Variants in TRAPPC3L observed in about 807,000 individuals in gnomAD.
The protein encoded by TRAPPC3L is trafficking protein particle complex subunit 3-like protein.
In TRAPPC3L, 23 loss-of-function variants were observed where a neutral mutation model predicts 23.7. The observed-to-expected ratio is 0.97, with a 90% CI of 0.70 to 1.37. The LOEUF is 1.37. Ranked by LOEUF, TRAPPC3L falls within the 40% of genes most tolerant of loss-of-function variation. TRAPPC3L has a pLI of 0.00. For synonymous variants in TRAPPC3L, 81 were observed against 77.9 expected, an observed-to-expected ratio of 1.04 and a Z score of -0.21; for missense variants, 212 against 216.8, an observed-to-expected ratio of 0.98 and a Z score of 0.14.
intron 3 of TRAPPC3L, among the ~76,000 whole-genome samples, chr6:116,532,932 C>T (rs1772832178): frequency 6.6e-6 from 1 of 152,192 alleles, no homozygotes; most frequent in Non-Finnish European, 1.5e-5. Flanking sequence ...ATAATGCAAA[C>T]TAATTATCTC....
chr6:116,511,498 A>G (rs1772117202), intron 3 of TRAPPC3L: 2 of 568,914 alleles, frequency 3.5e-6, no homozygotes, highest in African/African-American at 3.7e-5. Flanking sequence ...TCACAGCCCA[A>G]TTTCCACCAG....
rs914100723 is a variant in TRAPPC3L at position 116,497,017 on chromosome 6, C to G, written c.483G>C (p.Val161=). 1.9e-6 allele frequency: 3 copies of G among 1,546,630 alleles called. No homozygotes were observed. The African/African-American group carries it at 4.1e-5, about 21-fold the overall frequency. ...TTAGAAATGTTATTCCTATTTCTGT[C>G]ACACTGTCACCTTTTAGTCTGTCTT... ...FLQDRLKGDS[V]TEIGITFLKK... The change falls in exon 5 of 5, where the codon GTG becomes GTC. Residue 161 remains valine, a synonymous_variant. Coordinates refer to ENST00000368602, the MANE Select transcript of TRAPPC3L (RefSeq NM_001139444.3).
chr6:116,501,314 G>T (rs375704512), intron 3 of TRAPPC3L, among the ~76,000 whole-genome samples: 1 of 152,206 alleles, frequency 6.6e-6, no homozygotes, highest in Non-Finnish European at 1.5e-5. Context: ...CCATTGCTGA[G>T]GTTTGAGTAG....
intron 3 of TRAPPC3L, among the ~76,000 whole-genome samples, chr6:116,504,678 C>G (rs192027602): frequency 1.2e-4 from 18 of 152,188 alleles, no homozygotes; most frequent in Admixed American, 2.0e-4. Context: ...AAAAGCTTAT[C>G]CACCACCATC....
intron 3 of TRAPPC3L, among the ~76,000 whole-genome samples, chr6:116,532,217 C>T (rs1772771038): frequency 6.6e-6 from 1 of 152,166 alleles, no homozygotes. Flanking sequence ...GGAGGAGCAA[C>T]AGGGTGTAGA....
chr6:116,545,613 C>T lies in TRAPPC3L; in HGVS notation c.-99G>A. 9.2e-7 allele frequency: 1 copy of T among 1,090,768 alleles called. No homozygotes were observed. 67.6% of individuals were successfully genotyped at this position (1,090,768 alleles called of 1,614,324 possible). On this transcript the variant is annotated 5_prime_UTR_variant, in exon 1 of 5. Transcript: ENST00000368602. ...TGTCTTTTTGTTTTGTTTTTGTAAGCTCTTCCTCGCTTTGAGACAGGAGTG... is the reference window on the plus strand; with the variant it reads ...TGTCTTTTTGTTTTGTTTTTGTAAGTTCTTCCTCGCTTTGAGACAGGAGTG...
chr6:116,500,995 T>A (rs907810826), intron 3 of TRAPPC3L, among the ~76,000 whole-genome samples: 49 of 152,258 alleles, frequency 3.2e-4, no homozygotes, highest in African/African-American at 1.2e-3. Flanking sequence ...GGTTGGACAG[T>A]GGGTGTGGCC....
rs1353545036 is a variant in TRAPPC3L, at chr6:116,496,799, A to T, written c.*155T>A. 1 of 1,076,502 alleles carries T rather than the reference A, an allele frequency of 9.3e-7. No homozygotes were observed. The highest frequency in any genetic ancestry group is 1.2e-6 in the Non-Finnish European group (1 of 801,950). The allele number at this position is 1,076,502 out of a possible 1,614,324, so 66.7% of individuals were successfully genotyped here. On this transcript the variant is annotated 3_prime_UTR_variant, in exon 5 of 5. Coordinates refer to ENST00000368602, the MANE Select transcript of TRAPPC3L (RefSeq NM_001139444.3). ...GATTTATAAGCAAAAGGAAAAAAAA[A>T]CCTTTAAGCCTTCATGCCCTGCATT...
chr6:116,509,511 G>T (rs1772069777), intron 3 of TRAPPC3L, among the ~76,000 whole-genome samples: 1 of 152,064 alleles, frequency 6.6e-6, no homozygotes, highest in South Asian at 2.1e-4. Context: ...TAGACCAATG[G>T]AACAGAATAG....
At chr6:116,519,445 G>A (rs1772290403) in intron 3 of TRAPPC3L, 1 of 152,214 alleles carries the variant, frequency 6.6e-6, no homozygotes, top group Admixed American at 6.5e-5. Flanking sequence ...AGTCTCCAGT[G>A]GCCCAAGGGT....
At chr6:116,540,868 C>T (rs952086051) in intron 2 of TRAPPC3L, among the ~76,000 whole-genome samples, 3 of 152,194 alleles carry the variant, frequency 2.0e-5, no homozygotes, top group Middle Eastern at 3.4e-3. Flanking sequence ...CCCGGATGCT[C>T]GCTCTTCTCT....
At position 116,500,262 on chromosome 6, in the gene TRAPPC3L, A is replaced by G. The variant is rs190238130; in HGVS notation, c.426+219T>C. 3.6e-3 allele frequency among the ~76,000 whole-genome samples: 541 copies of G among 152,330 alleles called. 5 individuals carry two copies. Among genetic ancestry groups the G allele is most frequent in the African/African-American group, 0.012 (495 of 41,580 alleles). ...TAAGCCATGAAAGACTCTGAATGAC[A>G]ACCACTTAGCTAAGCTGCTCCCAGA... On this transcript the variant is annotated intron_variant, in intron 4 of 4. Transcript: ENST00000368602.
chr6:116,499,508 G>T (rs10457307), intron 4 of TRAPPC3L, among the ~76,000 whole-genome samples: 1 of 152,074 alleles, frequency 6.6e-6, no homozygotes, highest in Non-Finnish European at 1.5e-5. Context: ...TTCCAAGCTT[G>T]TCATATGAAT....
chr6:116,511,850 C>A (rs766912247), intron 3 of TRAPPC3L: 2 of 1,613,952 alleles, frequency 1.2e-6, no homozygotes, highest in East Asian at 4.5e-5. Flanking sequence ...GACCTATGGG[C>A]TGGTTTTCCT....
intron 3 of TRAPPC3L, chr6:116,516,645 A>C (rs1221078936): frequency 7.0e-6 from 1 of 143,508 alleles, no homozygotes. Flanking sequence ...TCCTACATTC[A>C]AAATAGTAGT....
intron 4 of TRAPPC3L, among the ~76,000 whole-genome samples, chr6:116,499,900 G>C (rs916369961): frequency 6.6e-6 from 1 of 152,168 alleles, no homozygotes; most frequent in African/African-American, 2.4e-5. Context: ...TGTATACTCA[G>C]TGCCTGACAC....
chr6:116,510,561 T>C (rs967125976), intron 3 of TRAPPC3L, among the ~76,000 whole-genome samples: 26 of 152,058 alleles, frequency 1.7e-4, no homozygotes, highest in Non-Finnish European at 3.8e-4. Flanking sequence ...ATGCTAGGAT[T>C]ACAGACATGA....
chr6:116,533,832 C>A (rs1772900563), intron 3 of TRAPPC3L, among the ~76,000 whole-genome samples: 1 of 152,190 alleles, frequency 6.6e-6, no homozygotes, highest in South Asian at 2.1e-4. Flanking sequence ...TACCCAGTGG[C>A]CTTTCCTTCC....
At chr6:116,532,398 G>C (rs536909878) in intron 3 of TRAPPC3L, among the ~76,000 whole-genome samples, 4 of 152,052 alleles carry the variant, frequency 2.6e-5, no homozygotes, top group Non-Finnish European at 5.9e-5. Flanking sequence ...CACCGCGCCC[G>C]GCCGGTTTTT....
Sources: gnomAD v4.1 joint callset for allele counts (sites outside exome capture counted in the v4.1 genomes callset) on GRCh38, gnomAD v4.1.1 for gene constraint, MANE v1.5 for transcripts, NCBI Gene and HGNC (gene_info 2026-07-23, HGNC 2026-07-21) for gene names.